The following KATNAL2 variants were observed in gnomAD, a reference collection of about 807,000 sequenced individuals.
KATNAL2 encodes the protein katanin p60 ATPase-containing subunit A-like 2.
Under a neutral mutation model 76.3 loss-of-function variants are expected in KATNAL2, and 52 were observed. The observed-to-expected ratio is 0.68, with a 90% CI of 0.55 to 0.86. The LOEUF (loss-of-function observed/expected upper bound fraction) is 0.86. Ranked by LOEUF, KATNAL2 falls within the 40% of genes least tolerant of loss-of-function variation. The probability of loss-of-function intolerance (pLI) is 0.00; values close to 1 mark genes in which losing one functional copy is unlikely to be tolerated. For synonymous variants in KATNAL2, 243 were observed against 244.2 expected, an observed-to-expected ratio of 1.00 and a Z score of 0.05; for missense variants, 660 against 668.9, an observed-to-expected ratio of 0.99 and a Z score of 0.15.
chr18:47,067,231 T>A, intron 11 of KATNAL2, 112 bp downstream of exon 11: 1 of 471,794 alleles, frequency 2.1e-6, no homozygotes, highest in Non-Finnish European at 3.9e-6. Context: ...GTCCACACGT[T>A]AACTCTTTGC....
At chr18:46,961,927 A>G (rs1210771266) in intron 3 of KATNAL2, among the ~76,000 whole-genome samples, 2 of 152,324 alleles carry the variant, frequency 1.3e-5, no homozygotes, top group South Asian at 2.1e-4. Context: ...TAAGAATATA[A>G]GTTTTTAAGA....
At position 47,033,732 on chromosome 18, in the gene KATNAL2, C is replaced by G. The variant is rs778920389; in HGVS notation, c.52-12725C>G. The G allele has an allele frequency of 1.4e-5, 22 of 1,614,076 alleles. No individual in the cohort carries two copies. The African/African-American group carries it at 2.3e-4, about 17-fold the overall frequency. ...GCCTGGAGCCCGAGTACACCGGCATCTTAGCATTCACTCTGCGTCCAGGGA... is the reference window on the plus strand; with the variant it reads ...GCCTGGAGCCCGAGTACACCGGCATGTTAGCATTCACTCTGCGTCCAGGGA... On this transcript the variant is annotated intron_variant, in intron 3 of 17. Transcript: ENST00000683218.
rs576145464 is a variant in KATNAL2 at position 47,035,199 on chromosome 18, C to T, written c.52-11258C>T. 34 of 1,612,628 alleles carry T rather than the reference C, an allele frequency of 2.1e-5. No individual in the cohort carries two copies. In the East Asian group the frequency reaches 6.7e-4, roughly 32 times the overall value. On this transcript the variant is annotated intron_variant, in intron 3 of 17. Coordinates refer to ENST00000683218, the MANE Select transcript of KATNAL2 (RefSeq NM_001387690.1). ...AATATTTCTCTAGCTTTTTCGGCTCCGTCTTAGTGGCCAGACGCACCTGCA... is the reference window on the plus strand; with the variant it reads ...AATATTTCTCTAGCTTTTTCGGCTCTGTCTTAGTGGCCAGACGCACCTGCA...
chr18:47,068,444 C>T (rs1474026955), intron 11 of KATNAL2, among the ~76,000 whole-genome samples: 1 of 152,182 alleles, frequency 6.6e-6, no homozygotes, highest in Admixed American at 6.5e-5. Context: ...AATTTACTCA[C>T]CTTTTCCTCT....
chr18:46,929,217 GA>G (rs1433083277), intron 1 of KATNAL2, among the ~76,000 whole-genome samples: 1 of 150,842 alleles, frequency 6.6e-6, no homozygotes, highest in Non-Finnish European at 1.5e-5. Context: ...ATTTGAGGTT[GA>G]CATGTTGCAT....
chr18:47,032,627 T>G (rs1024046070), intron 3 of KATNAL2: 1 of 307,552 alleles, frequency 3.3e-6, no homozygotes, highest in South Asian at 3.8e-5. Flanking sequence ...ATGGCTTGTG[T>G]GTTTTTGTCT....
chr18:46,929,288 G>C, intron 1 of KATNAL2, among the ~76,000 whole-genome samples: 3 of 150,646 alleles, frequency 2.0e-5, no homozygotes, highest in East Asian at 2.0e-4. Context: ...TGTTGCCCAG[G>C]CTGGAGTGCA....
At chr18:46,942,865 G>A (rs996135770) in intron 1 of KATNAL2, among the ~76,000 whole-genome samples, 1 of 151,636 alleles carries the variant, frequency 6.6e-6, no homozygotes, top group African/African-American at 2.4e-5. Context: ...TTGGTTGGAT[G>A]TTGGATATTG....
chr18:47,034,982 A>T, intron 3 of KATNAL2: 3 of 1,611,474 alleles, frequency 1.9e-6, no homozygotes, highest in Non-Finnish European at 1.7e-6. Context: ...CGCTGTCGGG[A>T]AGCGCTCTCC....
intron 3 of KATNAL2, chr18:47,034,221 C>G (rs1569053453): frequency 6.2e-7 from 1 of 1,613,944 alleles, no homozygotes; most frequent in South Asian, 1.1e-5. Context: ...GTGGCTTCCC[C>G]TCTTGAGTCT....
intron 1 of KATNAL2, among the ~76,000 whole-genome samples, chr18:46,929,922 A>G (rs1189992891): frequency 2.0e-5 from 3 of 151,818 alleles, no homozygotes; most frequent in African/African-American, 7.3e-5. Context: ...TTACAGGCGC[A>G]TGCCACCACG....
At chr18:47,075,101 C>A (rs944282473) in intron 13 of KATNAL2, among the ~76,000 whole-genome samples, 176 bp from the exon 14 acceptor site, 1 of 152,172 alleles carries the variant, frequency 6.6e-6, no homozygotes, top group Non-Finnish European at 1.5e-5. Flanking sequence ...TCGGACCATC[C>A]AACCCCATGG....
chr18:46,921,441 T>G (rs778621915), intron 1 of KATNAL2, among the ~76,000 whole-genome samples: 4 of 152,170 alleles, frequency 2.6e-5, no homozygotes, highest in Non-Finnish European at 5.9e-5. Flanking sequence ...TGTCATAAGA[T>G]TTTAATACAC....
chr18:47,099,219 G>C lies in KATNAL2; in HGVS notation c.1212-24G>C, dbSNP rs767397632. ...GGAAGTGTGTTTGCAGCCCTGTCCA[G>C]CTCCATTTCTGGTGTGATTTCAGGG... On this transcript the variant is annotated intron_variant, in intron 15 of 17. Coordinates refer to ENST00000683218, the MANE Select transcript of KATNAL2 (RefSeq NM_001387690.1). 8 of 1,594,530 alleles carry C rather than the reference G, an allele frequency of 5.0e-6. 1 individual carries two copies. Among genetic ancestry groups the C allele is most frequent in the Non-Finnish European group, 6.0e-6 (7 of 1,168,116 alleles).
At chr18:47,096,221 T>C (rs1043087822) in intron 15 of KATNAL2, among the ~76,000 whole-genome samples, 5 of 152,120 alleles carry the variant, frequency 3.3e-5, no homozygotes, top group African/African-American at 4.8e-5. Context: ...AAAAGAAATA[T>C]TGTAACATAG....
chr18:46,930,779 CTTGGGTGACAGAGTGAGACTCCA>C (rs1216504964), intron 1 of KATNAL2, among the ~76,000 whole-genome samples: 2 of 151,074 alleles, frequency 1.3e-5, no homozygotes, highest in African/African-American at 2.4e-5. Flanking sequence ...TGCACCTCAG[CTTGGGTGACAGAGTGAGACTCCA>C]TGTTAAAAAA....
chr18:46,919,432 G>T (rs1003445256), intron 1 of KATNAL2, among the ~76,000 whole-genome samples: 21 of 152,000 alleles, frequency 1.4e-4, no homozygotes, highest in African/African-American at 5.1e-4. Context: ...GTTCCAGGGA[G>T]CGGAGATAGC....
intron 1 of KATNAL2, among the ~76,000 whole-genome samples, chr18:46,937,474 C>T (rs1236820716): frequency 6.6e-6 from 1 of 151,840 alleles, no homozygotes; most frequent in Non-Finnish European, 1.5e-5. Context: ...CAGAAAAGAA[C>T]ACTAGGTACA....
At position 47,077,405 on chromosome 18, in the gene KATNAL2, T is replaced by C. The variant is rs755215952; in HGVS notation, c.1155T>C (p.Asp385=). 1.2e-6 allele frequency: 2 copies of C among 1,614,006 alleles called. No individual in the cohort carries two copies. Among genetic ancestry groups the C allele is most frequent in the Non-Finnish European group, 1.7e-6 (2 of 1,179,934 alleles). The change falls in exon 15 of 18, where the codon GAT becomes GAC. Residue 385 remains aspartate, a synonymous_variant. Transcript: ENST00000683218. ...RMKTELLVQM[D]GLARSEDLVF... Reference sequence around the variant, plus strand: ...AGACAGAGTTACTGGTGCAGATGGATGGGCTGGCACGCTCAGAAGATCTCG... The same window carrying C: ...AGACAGAGTTACTGGTGCAGATGGACGGGCTGGCACGCTCAGAAGATCTCG...
Sources: gnomAD v4.1 joint callset for allele counts (sites outside exome capture counted in the v4.1 genomes callset) on GRCh38, gnomAD v4.1.1 for gene constraint, MANE v1.5 for transcripts, NCBI Gene and HGNC (gene_info 2026-07-23, HGNC 2026-07-21) for gene names.